NFIA: variants seen among roughly 807,000 people sequenced by gnomAD.
NFIA encodes nuclear factor I A.
NFIA carries 8 observed loss-of-function variants against 62.8 expected under a neutral mutation model. That is an observed-to-expected ratio of 0.13 (90% CI 0.07 to 0.23). The LOEUF is 0.23. NFIA is among the 10% of genes least tolerant of loss of function. The probability of loss-of-function intolerance (pLI) is 1.00; values close to 1 mark genes in which losing one functional copy is unlikely to be tolerated. For missense variants in NFIA, 410 were observed against 642.1 expected, an observed-to-expected ratio of 0.64 and a Z score of 3.91; for synonymous variants, 235 against 238.1, an observed-to-expected ratio of 0.99 and a Z score of 0.12.
At chr1:61,192,803 G>A (rs1427432606) in intron 2 of NFIA, among the ~76,000 whole-genome samples, 1 of 152,182 alleles carries the variant, frequency 6.6e-6, no homozygotes, top group Non-Finnish European at 1.5e-5. Context: ...GCACCAAGTG[G>A]GAGGTGGTTT....
intron 2 of NFIA, among the ~76,000 whole-genome samples, chr1:61,266,287 A>G (rs1657159439): frequency 2.0e-5 from 3 of 152,128 alleles, no homozygotes; most frequent in African/African-American, 4.8e-5. Flanking sequence ...AGAACACCCC[A>G]AACACCTATT....
At chr1:61,419,320 C>T (rs1046385848) in intron 9 of NFIA, among the ~76,000 whole-genome samples, 6 of 152,100 alleles carry the variant, frequency 3.9e-5, no homozygotes, top group Admixed American at 6.5e-5. Context: ...CACCTTGGCA[C>T]GTGCTTGTAG....
intron 6 of NFIA, among the ~76,000 whole-genome samples, chr1:61,370,512 A>G (rs1181006988): frequency 6.6e-6 from 1 of 152,198 alleles, no homozygotes; most frequent in Non-Finnish European, 1.5e-5. Context: ...CTGAGGTAGA[A>G]TGGCAAAGCT....
intron 2 of NFIA, among the ~76,000 whole-genome samples, chr1:61,194,280 A>G (rs1046392795): frequency 2.6e-5 from 4 of 152,168 alleles, no homozygotes; most frequent in African/African-American, 9.7e-5. Flanking sequence ...TGGGCCAGTC[A>G]CTGATGGACG....
intron 2 of NFIA, among the ~76,000 whole-genome samples, chr1:61,273,204 G>T (rs1436409144): frequency 6.6e-6 from 1 of 152,120 alleles, no homozygotes; most frequent in African/African-American, 2.4e-5. Context: ...ACCAGAATAT[G>T]GTGGGTTTCT....
At chr1:61,167,591 T>C (rs1649672082) in intron 2 of NFIA, among the ~76,000 whole-genome samples, 1 of 152,200 alleles carries the variant, frequency 6.6e-6, no homozygotes, top group Non-Finnish European at 1.5e-5. Context: ...TCAGTCTGCA[T>C]TGTCTCTGAG....
intron 2 of NFIA, among the ~76,000 whole-genome samples, chr1:61,187,270 C>T (rs992558300): frequency 1.3e-4 from 20 of 152,014 alleles, no homozygotes; most frequent in Non-Finnish European, 7.4e-5. Context: ...GTGACCTGCC[C>T]GAGCCCCCCT....
At chr1:61,081,962 G>A, upstream of NFIA, 1 of 1,550,598 alleles carries the variant, frequency 6.4e-7, no homozygotes, top group Admixed American at 2.0e-5. Flanking sequence ...GTGCCGCCCG[G>A]CCTCCTCCTC....
At chr1:61,166,462 A>G (rs1035556849) in intron 2 of NFIA, among the ~76,000 whole-genome samples, 1 of 152,170 alleles carries the variant, frequency 6.6e-6, no homozygotes, top group African/African-American at 2.4e-5. Flanking sequence ...CACACTGGCC[A>G]ACTGAGAAGA....
chr1:61,098,357 A>G lies in NFIA; in HGVS notation c.559+9677A>G, dbSNP rs564073202. On this transcript the variant is annotated intron_variant, in intron 2 of 10. Coordinates refer to ENST00000403491, the MANE Select transcript of NFIA (RefSeq NM_001134673.4). ...AAGAACTTGGCAAAAGCTTATTTGC[A>G]TAAGAAATTTTGCGTCTTTATATGA... Among the ~76,000 whole-genome samples the G allele has an allele frequency of 3.9e-5, 6 of 152,376 alleles. No individual in the cohort carries two copies. In the South Asian group the frequency reaches 1.2e-3, roughly 32 times the overall value.
At chr1:61,223,444 T>C (rs993543816) in intron 2 of NFIA, among the ~76,000 whole-genome samples, 1 of 152,026 alleles carries the variant, frequency 6.6e-6, no homozygotes, top group South Asian at 2.1e-4. Context: ...AGACAAAATA[T>C]GGATTTTGAT....
chr1:61,115,073 G>A (rs537573061), intron 2 of NFIA, among the ~76,000 whole-genome samples: 4 of 152,246 alleles, frequency 2.6e-5, no homozygotes, highest in Admixed American at 2.0e-4. Flanking sequence ...TACACCTCCC[G>A]GGTTCAAACT....
intron 9 of NFIA, among the ~76,000 whole-genome samples, chr1:61,417,851 C>T (rs1200074957): frequency 6.6e-6 from 1 of 152,058 alleles, no homozygotes; most frequent in Non-Finnish European, 1.5e-5. Context: ...CCATAGGGAT[C>T]ACCCTTTGGA....
chr1:61,440,242 A>G (rs1450875049), intron 10 of NFIA, among the ~76,000 whole-genome samples: 3 of 152,234 alleles, frequency 2.0e-5, no homozygotes, highest in African/African-American at 7.2e-5. Flanking sequence ...TACCACTGGC[A>G]GTCAAGAAAT....
At chr1:61,223,069 C>G (rs945090358) in intron 2 of NFIA, among the ~76,000 whole-genome samples, 2 of 152,110 alleles carry the variant, frequency 1.3e-5, no homozygotes, top group South Asian at 4.2e-4. Flanking sequence ...TACCCATATG[C>G]TTTAAATCTG....
At chr1:61,432,644 CATATATAT>C (rs1667153838) in intron 10 of NFIA, among the ~76,000 whole-genome samples, 1 of 98,802 alleles carries the variant, frequency 1.0e-5, no homozygotes, top group African/African-American at 4.2e-5. Flanking sequence ...TATATATACA[CATATATAT>C]ACATATATAT....
At chr1:61,082,488 G>A, upstream of NFIA, 1 of 1,123,426 alleles carries the variant, frequency 8.9e-7, no homozygotes, top group Non-Finnish European at 1.1e-6. Context: ...CGCGGGAGCG[G>A]GAAAGGGTGC....
intron 2 of NFIA, chr1:61,132,752 T>C (rs891292150): frequency 1.3e-5 from 2 of 152,224 alleles, no homozygotes; most frequent in African/African-American, 2.4e-5. Context: ...TAAAAACTTA[T>C]AACAAATCAT....
upstream of NFIA, chr1:61,077,725 T>C (rs1646048875): frequency 3.2e-6 from 3 of 949,302 alleles, no homozygotes; most frequent in Non-Finnish European, 1.5e-6. Flanking sequence ...AAGACTAAAA[T>C]TTCTCTAGCT....
Sources: gnomAD v4.1 joint callset for allele counts (sites outside exome capture counted in the v4.1 genomes callset) on GRCh38, gnomAD v4.1.1 for gene constraint, MANE v1.5 for transcripts, NCBI Gene and HGNC (gene_info 2026-07-23, HGNC 2026-07-21) for gene names.